The following DCDC1 variants were observed in gnomAD, a reference collection of about 807,000 sequenced individuals.
The protein encoded by DCDC1 is doublecortin domain-containing protein 1.
A neutral mutation model predicts 178.3 loss-of-function variants in DCDC1; 200 were observed. The observed-to-expected ratio is 1.12, with a 90% CI of 1.00 to 1.26. DCDC1 has a LOEUF of 1.26. DCDC1 is among the 50% of genes most tolerant of loss of function. The pLI is 0.00. For synonymous variants in DCDC1, 690 were observed against 604.8 expected (o/e 1.14, Z -2.07); for missense variants, 1,983 against 1,749.2 (o/e 1.13, Z -2.38).
intron 30 of DCDC1, chr11:30,906,229 C>T: frequency 4.2e-6 from 1 of 238,602 alleles, no homozygotes; most frequent in South Asian, 1.2e-4. Context: ...AAAGCTGTTC[C>T]ACGAAGTAAA....
chr11:31,036,084 C>T (rs1954006470), intron 20 of DCDC1, among the ~76,000 whole-genome samples: 1 of 152,138 alleles, frequency 6.6e-6, no homozygotes, highest in African/African-American at 2.4e-5. Context: ...CCAATCTGCT[C>T]TATTTTAAGT....
At chr11:31,238,298 A>G (rs1482688982) in intron 9 of DCDC1, among the ~76,000 whole-genome samples, 1 of 152,070 alleles carries the variant, frequency 6.6e-6, no homozygotes, top group African/African-American at 2.4e-5. Context: ...GCATCTTTAC[A>G]GTGTTTCTCA....
intron 38 of DCDC1, among the ~76,000 whole-genome samples, chr11:30,870,616 CCAAT>C (rs1427920605): frequency 6.6e-6 from 1 of 152,160 alleles, no homozygotes; most frequent in Non-Finnish European, 1.5e-5. Flanking sequence ...TTCCTGAATG[CCAAT>C]CAGAGTGTCT....
chr11:30,959,802 C>T (rs1215404844), intron 20 of DCDC1, among the ~76,000 whole-genome samples: 1 of 152,112 alleles, frequency 6.6e-6, no homozygotes, highest in Admixed American at 6.6e-5. Flanking sequence ...CTTTCCTTCC[C>T]AAGATATGTG....
intron 2 of DCDC1, among the ~76,000 whole-genome samples, chr11:31,329,013 T>G: frequency 7.5e-6 from 1 of 132,700 alleles, no homozygotes; most frequent in East Asian, 2.6e-4. Flanking sequence ...CTTACCTTCC[T>G]CCTGATTCTG....
chr11:30,978,826 A>ACACC (rs1950242092), intron 20 of DCDC1, among the ~76,000 whole-genome samples: 1 of 122,438 alleles, frequency 8.2e-6, no homozygotes, highest in Non-Finnish European at 1.8e-5. Flanking sequence ...ACACACACAC[A>ACACC]CCCCCTTCTC....
chr11:30,958,747 C>T (rs904310788), intron 20 of DCDC1, among the ~76,000 whole-genome samples: 1 of 152,092 alleles, frequency 6.6e-6, no homozygotes, highest in Non-Finnish European at 1.5e-5. Context: ...TTTCTAAAAC[C>T]TTAGGCTTTG....
intron 9 of DCDC1, among the ~76,000 whole-genome samples, chr11:31,159,825 C>T (rs1314139773): frequency 1.3e-5 from 2 of 152,166 alleles, no homozygotes; most frequent in Admixed American, 1.3e-4. Context: ...TGGCATGATC[C>T]TGTGTAAGAA....
chr11:31,064,174 C>T (rs1956122080), intron 20 of DCDC1, among the ~76,000 whole-genome samples: 1 of 152,070 alleles, frequency 6.6e-6, no homozygotes, highest in South Asian at 2.1e-4. Context: ...GGTGTATGGT[C>T]TGTAGTACCT....
intron 20 of DCDC1, among the ~76,000 whole-genome samples, chr11:30,967,193 C>A (rs544624044): frequency 1.1e-4 from 13 of 121,004 alleles, no homozygotes; most frequent in Non-Finnish European, 2.0e-4. Flanking sequence ...TTACCTTGGG[C>A]AGTATGGCCA....
chr11:31,225,514 A>G (rs547634202), intron 9 of DCDC1, among the ~76,000 whole-genome samples: 1 of 151,680 alleles, frequency 6.6e-6, no homozygotes, highest in Admixed American at 6.6e-5. Flanking sequence ...CCAAAAAACT[A>G]TTAAAATAAA....
chr11:31,253,299 T>C (rs1944182411), intron 8 of DCDC1, among the ~76,000 whole-genome samples: 1 of 152,178 alleles, frequency 6.6e-6, no homozygotes, highest in Admixed American at 6.5e-5. Context: ...AATATTAATA[T>C]TTTTGAGGAC....
chr11:31,305,601 T>A lies in DCDC1; in HGVS notation c.754+14A>T. 6.2e-7 allele frequency: 1 copy of A among 1,612,824 alleles called. No individual in the cohort carries two copies. Among genetic ancestry groups the A allele is most frequent in the South Asian group, 1.1e-5 (1 of 91,020 alleles). ...GTATGTGTGGGGGTAGGGTATTTTT[T>A]AGATCTTTTTTACCTTTAATTTTTT... On this transcript the variant is annotated intron_variant, in intron 6 of 38. Transcript: ENST00000684477.
At chr11:30,997,155 G>T (rs1217145928) in intron 20 of DCDC1, among the ~76,000 whole-genome samples, 3 of 152,206 alleles carry the variant, frequency 2.0e-5, no homozygotes, top group Non-Finnish European at 2.9e-5. Context: ...GACAGAAAGT[G>T]ATAAGTAGTT....
intron 20 of DCDC1, among the ~76,000 whole-genome samples, chr11:30,968,498 G>A (rs760603688): frequency 2.6e-4 from 40 of 151,452 alleles, no homozygotes; most frequent in African/African-American, 4.1e-4. Context: ...TCACATAACC[G>A]TTATTACAGC....
intron 1 of DCDC1, among the ~76,000 whole-genome samples, chr11:31,357,293 C>T (rs1951433704): frequency 6.6e-6 from 1 of 150,714 alleles, no homozygotes; most frequent in Non-Finnish European, 1.5e-5. Context: ...ATACGCAAAT[C>T]AATAAATGTA....
intron 7 of DCDC1, among the ~76,000 whole-genome samples, chr11:31,288,299 A>G (rs1479138984): frequency 1.3e-5 from 2 of 151,944 alleles, no homozygotes. Context: ...TATATCTTAC[A>G]GTAGCACATG....
chr11:31,172,004 A>G (rs934126228), intron 9 of DCDC1, among the ~76,000 whole-genome samples: 4 of 152,174 alleles, frequency 2.6e-5, no homozygotes, highest in African/African-American at 9.6e-5. Flanking sequence ...TTTACTTTAT[A>G]TAATACATTA....
chr11:31,205,884 G>T (rs1166484315), intron 9 of DCDC1, among the ~76,000 whole-genome samples: 1 of 152,012 alleles, frequency 6.6e-6, no homozygotes, highest in East Asian at 1.9e-4. Flanking sequence ...AATTTAACCG[G>T]CTGCCCTATA....
Sources: allele counts gnomAD v4.1 joint callset (sites outside exome capture counted in the v4.1 genomes callset), GRCh38; gene constraint gnomAD v4.1.1; transcripts MANE v1.5; gene names NCBI Gene and HGNC (gene_info 2026-07-23, HGNC 2026-07-21).